The following USP34 variants were observed in gnomAD, a reference collection of about 807,000 sequenced individuals.
The protein encoded by USP34 is ubiquitin carboxyl-terminal hydrolase 34.
A neutral mutation model predicts 460.3 loss-of-function variants in USP34; 70 were observed. The ratio of observed to expected loss-of-function variants is 0.15; its 90% confidence interval spans 0.13 to 0.19. The LOEUF is 0.19. Ranked by LOEUF, USP34 falls within the 10% of genes least tolerant of loss-of-function variation. The pLI is 1.00. For synonymous variants in USP34, 1,647 were observed against 1,405.3 expected, an observed-to-expected ratio of 1.17 and a Z score of -3.85; for missense variants, 3,985 against 4,236.2, an observed-to-expected ratio of 0.94 and a Z score of 1.65.
intron 16 of USP34, among the ~76,000 whole-genome samples, chr2:61,340,600 T>C (rs1691565269): frequency 6.6e-6 from 1 of 152,176 alleles, no homozygotes. Flanking sequence ...CACATACCTA[T>C]TTTTAATTTC....
At chr2:61,461,494 A>G (rs1695600330) in intron 1 of USP34, among the ~76,000 whole-genome samples, 1 of 152,200 alleles carries the variant, frequency 6.6e-6, no homozygotes, top group East Asian at 1.9e-4. Flanking sequence ...TAAATTTACT[A>G]GTAATTGCTT....
rs375467473 is a variant in USP34 at position 61,266,961 on chromosome 2, T to A, written c.5434-794A>T. Reference sequence around the variant, plus strand: ...CTGTTTTCCTTTCAGGAGTCTGGAGTTGGGGCAACTATGGTGAGTTATCCA... The same window carrying A: ...CTGTTTTCCTTTCAGGAGTCTGGAGATGGGGCAACTATGGTGAGTTATCCA... On this transcript the variant is annotated intron_variant, in intron 41 of 79. Transcript: ENST00000398571. 3.1e-4 allele frequency among the ~76,000 whole-genome samples: 47 copies of A among 152,242 alleles called. No homozygotes were observed. The South Asian group carries it at 8.7e-3, about 28-fold the overall frequency.
chr2:61,243,209 C>T (rs1455187024), intron 51 of USP34, among the ~76,000 whole-genome samples: 7 of 151,158 alleles, frequency 4.6e-5, no homozygotes, highest in Non-Finnish European at 7.4e-5. Context: ...TGCAATGGCG[C>T]GATGTCGGCT....
intron 8 of USP34, among the ~76,000 whole-genome samples, 180 bp downstream of exon 8, chr2:61,378,183 G>A (rs1391329810): frequency 2.0e-5 from 3 of 152,086 alleles, no homozygotes; most frequent in African/African-American, 7.2e-5. Context: ...AAAAAAAAGA[G>A]GGAGAGTGAG....
Position 61,237,451 on chromosome 2 carries a change from A to G in USP34, c.6778-1062T>C, listed in dbSNP as rs150502564. 3.3e-5 allele frequency among the ~76,000 whole-genome samples: 5 copies of G among 150,948 alleles called. No individual in the cohort carries two copies. The East Asian group carries it at 7.8e-4, about 24-fold the overall frequency. On this transcript the variant is annotated intron_variant, in intron 53 of 79. Coordinates refer to ENST00000398571, the MANE Select transcript of USP34 (RefSeq NM_014709.4). ...CTGGTAATACTGTGGTTTCTATCAT[A>G]TAAGTGCTTTTGGTTTTGCTCTGTT...
At chr2:61,305,360 AAAG>A (rs768492876) in intron 27 of USP34, among the ~76,000 whole-genome samples, 3 of 152,064 alleles carry the variant, frequency 2.0e-5, no homozygotes, top group Non-Finnish European at 2.9e-5. Flanking sequence ...AAGGAGAAAA[AAAG>A]AAGAGATCAT....
Position 61,257,206 on chromosome 2 carries a change from G to A in USP34, c.5989C>T (p.Leu1997=). The A allele has an allele frequency of 6.2e-7, 1 of 1,607,966 alleles. No individual in the cohort carries two copies. Among genetic ancestry groups the A allele is most frequent in the Non-Finnish European group, 8.5e-7 (1 of 1,177,480 alleles). The change falls in exon 45 of 80, where the codon CTG becomes TTG. Residue 1997 remains leucine, a splice_region_variant and synonymous_variant. Coordinates refer to ENST00000398571, the MANE Select transcript of USP34 (RefSeq NM_014709.4). ...CTTTTCAGTATTCTGATACTAACCA[G>A]TTCGGGAGACATTTCTTCGATTTTG... ...ITKIEEMSPE[L]KNTVKSLFGG... is the part of the protein sequence containing the mutation.
Position 61,188,040 on chromosome 2 carries a change from T to A in USP34, c.*62A>T, listed in dbSNP as rs747071492. On this transcript the variant is annotated 3_prime_UTR_variant, in exon 80 of 80. Transcript: ENST00000398571. ...AAGCACAAAAACAAATAAGCAAAACTTATACAAACAGCATGGGGGTTGGGG... is the reference window on the plus strand; with the variant it reads ...AAGCACAAAAACAAATAAGCAAAACATATACAAACAGCATGGGGGTTGGGG... 1 of 1,540,296 alleles carries A rather than the reference T, an allele frequency of 6.5e-7. No individual in the cohort carries two copies. Among genetic ancestry groups the A allele is most frequent in the Non-Finnish European group, 8.7e-7 (1 of 1,147,404 alleles).
intron 1 of USP34, among the ~76,000 whole-genome samples, chr2:61,466,901 C>CA (rs111921570): frequency 0.025 from 2,591 of 105,516 alleles, 51 homozygotes; most frequent in African/African-American, 0.071. Flanking sequence ...GACTCCGTGT[C>CA]AAAAAAAAAA....
intron 1 of USP34, among the ~76,000 whole-genome samples, chr2:61,435,588 T>C (rs1437589074): frequency 1.3e-5 from 2 of 152,068 alleles, no homozygotes; most frequent in Non-Finnish European, 2.9e-5. Context: ...TTATAAGAAA[T>C]GCTCAAGAAT....
At chr2:61,229,022 A>AGAATGTATGAGTC (rs1419439242) in intron 59 of USP34, 27 bp from the exon 60 acceptor site, 1 of 1,499,858 alleles carries the variant, frequency 6.7e-7, no homozygotes. Context: ...TAGATCTTAG[A>AGAATGTATGAGTC]GAATGTATGA....
chr2:61,328,363 G>C (rs1178267803), intron 20 of USP34, among the ~76,000 whole-genome samples: 2 of 150,766 alleles, frequency 1.3e-5, no homozygotes, highest in African/African-American at 4.9e-5. Flanking sequence ...ATTACAAAAT[G>C]AAAAAATAAA....
chr2:61,366,324 T>C (rs578169252), intron 10 of USP34, among the ~76,000 whole-genome samples: 15 of 152,256 alleles, frequency 9.9e-5, no homozygotes, highest in African/African-American at 3.4e-4. Flanking sequence ...CTTCCCAACA[T>C]AACTGAGAAA....
Position 61,265,978 on chromosome 2 carries a change from G to A in USP34, c.5617+6C>T. On this transcript the variant is annotated splice_donor_region_variant and intron_variant, in intron 42 of 79. Coordinates refer to ENST00000398571, the MANE Select transcript of USP34 (RefSeq NM_014709.4). ...ATAAAGATTAAAGGAAAAGAAGAAT[G>A]CTTACACTGCATGTGTTGTGCCATA... 1 of 1,581,604 alleles carries A rather than the reference G, an allele frequency of 6.3e-7. No homozygotes were observed. Among genetic ancestry groups the A allele is most frequent in the South Asian group, 1.1e-5 (1 of 87,192 alleles).
intron 1 of USP34, among the ~76,000 whole-genome samples, chr2:61,454,281 A>G (rs1308772403): frequency 1.3e-5 from 2 of 151,762 alleles, no homozygotes; most frequent in East Asian, 3.9e-4. Flanking sequence ...GTGTGCCATC[A>G]TGCTCAGCTA....
At chr2:61,193,214 TC>T (rs1431479204) in intron 75 of USP34, 1 of 338,376 alleles carries the variant, frequency 3.0e-6, no homozygotes, top group Non-Finnish European at 5.4e-6. Flanking sequence ...GGGACTTAAA[TC>T]AACTCTTCTT....
chr2:61,373,118 T>C lies in USP34; in HGVS notation c.1077-2539A>G, dbSNP rs201760144. ...TTTATTAGAGTTAAATCAGTATGAATGTCAAGAAGTTGAATGCATATTTAA... is the reference window on the plus strand; with the variant it reads ...TTTATTAGAGTTAAATCAGTATGAACGTCAAGAAGTTGAATGCATATTTAA... On this transcript the variant is annotated intron_variant, in intron 8 of 79. Transcript: ENST00000398571. Among the ~76,000 whole-genome samples the C allele has an allele frequency of 9.2e-5, 14 of 152,268 alleles. No individual in the cohort carries two copies. The East Asian group carries it at 2.5e-3, about 27-fold the overall frequency.
chr2:61,364,085 ATG>A (rs1254681259), intron 10 of USP34, among the ~76,000 whole-genome samples: 1 of 152,214 alleles, frequency 6.6e-6, no homozygotes, highest in African/African-American at 2.4e-5. Context: ...AGATGACAGA[ATG>A]TAAAACAGCT....
chr2:61,322,913 C>T (rs1690970066), intron 21 of USP34, among the ~76,000 whole-genome samples: 1 of 152,134 alleles, frequency 6.6e-6, no homozygotes, highest in Admixed American at 6.5e-5. Context: ...AGAAGTATAT[C>T]CATAATTGGC....
Sources: allele counts gnomAD v4.1 joint callset (sites outside exome capture counted in the v4.1 genomes callset), GRCh38; gene constraint gnomAD v4.1.1; transcripts MANE v1.5; gene names NCBI Gene and HGNC (gene_info 2026-07-23, HGNC 2026-07-21).